The following TRHDE variants were observed in gnomAD, a reference collection of about 807,000 sequenced individuals.
TRHDE encodes the protein thyrotropin releasing hormone degrading enzyme.
TRHDE carries 72 observed loss-of-function variants against 125.7 expected under a neutral mutation model. The ratio of observed to expected loss-of-function variants is 0.57; its 90% CI spans 0.47 to 0.70. The LOEUF is 0.70. TRHDE is among the 30% of genes least tolerant of loss of function. The pLI, the probability that TRHDE is intolerant of heterozygous loss-of-function variation, is 0.00. For synonymous variants in TRHDE, 509 were observed against 509.1 expected, an observed-to-expected ratio of 1.00 and a Z score of 0.00; for missense variants, 1,110 against 1,327.1, an observed-to-expected ratio of 0.84 and a Z score of 2.54.
At position 72,125,807 on chromosome 12, in the gene TRHDE, G is replaced by GA. The variant is rs746782449; in HGVS notation, n.279+20061dup. On this transcript the variant is annotated intron_variant and non_coding_transcript_variant, in intron 2 of 4. Transcript: ENST00000548156. ...ATAAAAGTGATCCCTGAAAGATGGGGAAAAAATGAGGTGATCCCTATGATT... is the reference window on the plus strand; with the variant it reads ...ATAAAAGTGATCCCTGAAAGATGGGGAAAAAAATGAGGTGATCCCTATGATT... Among the ~76,000 whole-genome samples, 13 of 152,234 alleles carry GA rather than the reference G, an allele frequency of 8.5e-5. 1 individual carries two copies. The South Asian group carries it at 1.5e-3, about 17-fold the overall frequency.
intron 12 of TRHDE, among the ~76,000 whole-genome samples, chr12:72,617,749 T>TGA (rs1872881380): frequency 6.6e-6 from 1 of 152,166 alleles, no homozygotes; most frequent in African/African-American, 2.4e-5. Context: ...TTCCAGCAGA[T>TGA]GAGAGCTTGG....
intron 3 of TRHDE, among the ~76,000 whole-genome samples, chr12:72,397,131 C>T (rs1180682881): frequency 1.3e-5 from 2 of 152,146 alleles, no homozygotes; most frequent in African/African-American, 4.8e-5. Flanking sequence ...TTTTCATTTT[C>T]GTAAACGGCA....
At chr12:72,393,696 A>T (rs1872688216) in intron 3 of TRHDE, among the ~76,000 whole-genome samples, 1 of 152,186 alleles carries the variant, frequency 6.6e-6, no homozygotes, top group African/African-American at 2.4e-5. Context: ...TTATTCTTGG[A>T]TGGTGGTTGA....
At chr12:72,382,103 C>T (rs527807566) in intron 3 of TRHDE, among the ~76,000 whole-genome samples, 8 of 152,160 alleles carry the variant, frequency 5.3e-5, no homozygotes, top group African/African-American at 1.9e-4. Flanking sequence ...GACTACTGAG[C>T]GGGAGCATGT....
At chr12:72,341,621 T>C (rs1056499053) in intron 2 of TRHDE, among the ~76,000 whole-genome samples, 5 of 151,998 alleles carry the variant, frequency 3.3e-5, no homozygotes, top group Non-Finnish European at 4.4e-5. Context: ...AACTTGAAAA[T>C]TGGATGAATT....
intron 2 of TRHDE, among the ~76,000 whole-genome samples, chr12:72,350,289 G>C (rs1870523339): frequency 6.6e-6 from 1 of 151,952 alleles, no homozygotes; most frequent in African/African-American, 2.4e-5. Flanking sequence ...TCCCCATTTG[G>C]TGGACGGTCA....
chr12:72,570,067 A>G (rs1870644791), intron 10 of TRHDE, among the ~76,000 whole-genome samples: 1 of 152,158 alleles, frequency 6.6e-6, no homozygotes, highest in Non-Finnish European at 1.5e-5. Context: ...AATAAGGTAG[A>G]ATATTTTTCT....
rs559315252 is a variant in TRHDE, at chr12:72,099,810, A to G, written n.175-5838A>G. 1.6e-4 allele frequency among the ~76,000 whole-genome samples: 24 copies of G among 152,218 alleles called. No homozygotes were observed. The South Asian group carries it at 4.8e-3, about 30-fold the overall frequency. On this transcript the variant is annotated intron_variant and non_coding_transcript_variant, in intron 1 of 4. Coordinates refer to the TRHDE transcript ENST00000548156. Reference sequence around the variant, plus strand: ...TCAGGCTCAAGATGGCAATTCAAAGACTCTTTACATTTTCTGAAAACCATT... The same window carrying G: ...TCAGGCTCAAGATGGCAATTCAAAGGCTCTTTACATTTTCTGAAAACCATT...
chr12:72,176,975 A>G (rs1877002262), intron 2 of TRHDE, among the ~76,000 whole-genome samples: 1 of 152,126 alleles, frequency 6.6e-6, no homozygotes, highest in Non-Finnish European at 1.5e-5. Context: ...TCCCATTGGT[A>G]AGGAAGCTAG....
Position 72,411,076 on chromosome 12 carries a change from A to G in TRHDE, c.1315+32955A>G, listed in dbSNP as rs1291719238. 2.6e-5 allele frequency among the ~76,000 whole-genome samples: 4 copies of G among 151,758 alleles called. No individual in the cohort carries two copies. The East Asian group carries it at 5.8e-4, about 22-fold the overall frequency. On this transcript the variant is annotated intron_variant, in intron 3 of 18. Coordinates refer to ENST00000261180, the MANE Select transcript of TRHDE (RefSeq NM_013381.3). ...AAATTAGCTGGGCGTGGTGGCAGGC[A>G]CCTGTAGTCCCAGCTACTCGGGAGG...
At chr12:72,337,343 C>T (rs1484734626) in intron 2 of TRHDE, among the ~76,000 whole-genome samples, 6 of 152,162 alleles carry the variant, frequency 3.9e-5, no homozygotes, top group Non-Finnish European at 2.9e-5. Context: ...AGAGGAGCTT[C>T]AGGCACTCAC....
chr12:72,464,101 C>T (rs1176645956), intron 3 of TRHDE, among the ~76,000 whole-genome samples: 1 of 152,110 alleles, frequency 6.6e-6, no homozygotes, highest in African/African-American at 2.4e-5. Context: ...GAGGCTTACA[C>T]AAGGAGGCCC....
intron 2 of TRHDE, among the ~76,000 whole-genome samples, chr12:72,212,560 T>C (rs539066864): frequency 1.3e-5 from 2 of 152,112 alleles, no homozygotes; most frequent in Non-Finnish European, 2.9e-5. Flanking sequence ...GTTAGACATT[T>C]CTCCCAAGAA....
chr12:72,628,547 T>C (rs1332361345), intron 15 of TRHDE, among the ~76,000 whole-genome samples: 1 of 151,910 alleles, frequency 6.6e-6, no homozygotes, highest in Non-Finnish European at 1.5e-5. Flanking sequence ...TTGTTTTGTT[T>C]TTATTTGCTG....
chr12:72,340,144 G>GT (rs920845474), intron 2 of TRHDE, among the ~76,000 whole-genome samples: 1 of 152,086 alleles, frequency 6.6e-6, no homozygotes, highest in African/African-American at 2.4e-5. Context: ...AACTCTCCCT[G>GT]TTGCATAACT....
At chr12:72,437,248 A>G (rs140434854) in intron 3 of TRHDE, among the ~76,000 whole-genome samples, 28 of 151,978 alleles carry the variant, frequency 1.8e-4, no homozygotes, top group Middle Eastern at 6.8e-3. Context: ...ATATTGCCTT[A>G]CAGAGAATGA....
At chr12:72,308,920 ACT>A (rs1479906547) in intron 2 of TRHDE, among the ~76,000 whole-genome samples, 2 of 151,088 alleles carry the variant, frequency 1.3e-5, no homozygotes, top group Non-Finnish European at 3.0e-5. Flanking sequence ...CCTTTTGATA[ACT>A]CTAATCCACT....
chr12:72,537,602 C>T (rs1868929914), intron 6 of TRHDE, among the ~76,000 whole-genome samples: 1 of 152,062 alleles, frequency 6.6e-6, no homozygotes. Context: ...TTCTTTATAG[C>T]AGTGTGAGAA....
At chr12:72,123,716 A>G (rs1035317119) in intron 2 of TRHDE, among the ~76,000 whole-genome samples, 1 of 152,158 alleles carries the variant, frequency 6.6e-6, no homozygotes, top group African/African-American at 2.4e-5. Context: ...CACTTCTGAA[A>G]TGGATAATTT....
Sources: allele counts gnomAD v4.1 joint callset (sites outside exome capture counted in the v4.1 genomes callset), GRCh38; gene constraint gnomAD v4.1.1; transcripts MANE v1.5; gene names NCBI Gene and HGNC (gene_info 2026-07-23, HGNC 2026-07-21).